CC2D2B: variants seen among roughly 807,000 people sequenced by gnomAD.
CC2D2B encodes coiled-coil and C2 domain containing 2B.
CC2D2B carries 128 observed loss-of-function variants against 161.2 expected under a neutral mutation model. The ratio of observed to expected loss-of-function variants is 0.79; its 90% CI spans 0.69 to 0.92. The LOEUF (loss-of-function observed/expected upper bound fraction) is 0.92, where lower values mean the gene tolerates loss of function less well. Ranked by LOEUF, CC2D2B falls within the 40% of genes least tolerant of loss-of-function variation. The pLI is 0.00. For missense variants in CC2D2B, 1,173 were observed against 1,375.1 expected, an observed-to-expected ratio of 0.85 and a Z score of 2.32; for synonymous variants, 391 against 449.8, an observed-to-expected ratio of 0.87 and a Z score of 1.65.
chr10:95,949,941 G>T lies in CC2D2B; in HGVS notation c.847G>T (p.Gly283Cys). The T allele has an allele frequency of 2.5e-6, 1 of 398,714 alleles. No individual in the cohort carries two copies. Among genetic ancestry groups the T allele is most frequent in the South Asian group, 1.3e-4 (1 of 7,848 alleles). The allele number at this position is 398,714 out of a possible 1,614,324, so 24.7% of individuals were successfully genotyped here. ...LGSSFMNKME[G>C]SREIYQLDLN... Reference sequence around the variant, plus strand: ...AAGTTCATTTATGAACAAAATGGAAGGTTCAAGGGAAATATACCAGTTAGA... The same window carrying T: ...AAGTTCATTTATGAACAAAATGGAATGTTCAAGGGAAATATACCAGTTAGA... Residue 283 changes from glycine to cysteine, a missense_variant, in exon 10 of 35, where the codon GGT becomes TGT. Gly to Cys is a radical substitution (Grantham distance 159). This residue lies in a region of CC2D2B where 298 missense variants were observed against 261.2 expected (regional missense o/e 1.14). Coordinates refer to ENST00000646931, the MANE Select transcript of CC2D2B (RefSeq NM_001349008.3).
chr10:95,993,451 T>C (rs753380328), intron 22 of CC2D2B, among the ~76,000 whole-genome samples: 10 of 152,146 alleles, frequency 6.6e-5, no homozygotes, highest in Non-Finnish European at 1.5e-4. Context: ...CTTGCTTACA[T>C]TTATGCCTAC....
At chr10:96,026,234 A>G (rs1329140574) in intron 33 of CC2D2B, among the ~76,000 whole-genome samples, 1 of 152,116 alleles carries the variant, frequency 6.6e-6, no homozygotes, top group East Asian at 1.9e-4. Flanking sequence ...CCACACAATC[A>G]TCCTGCACAG....
At position 95,980,970 on chromosome 10, in the gene CC2D2B, G is replaced by A. The variant is rs369893617; in HGVS notation, c.1944-1005G>A. 4.8e-4 allele frequency among the ~76,000 whole-genome samples: 73 copies of A among 152,238 alleles called. No individual in the cohort carries two copies. In the South Asian group the frequency reaches 9.1e-3, roughly 19 times the overall value. Reference sequence around the variant, plus strand: ...CTATGAAGAGACAGATTAAATAGCTGGGATAATTGATGGCTCTAAAGAAAT... The same window carrying A: ...CTATGAAGAGACAGATTAAATAGCTAGGATAATTGATGGCTCTAAAGAAAT... On this transcript the variant is annotated intron_variant, in intron 17 of 34. Transcript: ENST00000646931.
chr10:95,979,109 A>T (rs1479765057), intron 17 of CC2D2B, among the ~76,000 whole-genome samples: 1 of 149,866 alleles, frequency 6.7e-6, no homozygotes, highest in Non-Finnish European at 1.5e-5. Context: ...TTTGGTTAGC[A>T]GTGTCATTTT....
intron 25 of CC2D2B, 147 bp from the exon 26 acceptor site, chr10:96,009,678 A>C: frequency 2.2e-6 from 1 of 459,722 alleles, no homozygotes; most frequent in Non-Finnish European, 3.8e-6. Context: ...AAAGAAATTA[A>C]AAAGCAAGAA....
chr10:95,987,180 C>T (rs2077762795), intron 19 of CC2D2B, among the ~76,000 whole-genome samples: 2 of 151,822 alleles, frequency 1.3e-5, no homozygotes, highest in Non-Finnish European at 1.5e-5. Context: ...AAAAATTAGC[C>T]AGGTGTGGCA....
rs60043671 is a variant in CC2D2B, at chr10:95,992,062, C to G, written c.2472-465C>G. Among the ~76,000 whole-genome samples, 1,086 of 152,300 alleles carry G rather than the reference C, an allele frequency of 7.1e-3. 12 individuals are homozygous for G. Among genetic ancestry groups the G allele is most frequent in the African/African-American group, 0.023 (976 of 41,568 alleles). On this transcript the variant is annotated intron_variant, in intron 21 of 34. Coordinates refer to ENST00000646931, the MANE Select transcript of CC2D2B (RefSeq NM_001349008.3). ...GGATGCTGAACTCTATTGTGTTTTA[C>G]TTTTCAGTCCTTGAGGGGAAAATGA...
intron 3 of CC2D2B, among the ~76,000 whole-genome samples, chr10:95,923,436 T>G (rs1323213157): frequency 6.6e-6 from 1 of 152,208 alleles, no homozygotes; most frequent in East Asian, 1.9e-4. Flanking sequence ...TCAGAAGTGT[T>G]ATAATGATTT....
chr10:95,908,058 G>T lies in CC2D2B; in HGVS notation c.-24+1G>T, dbSNP rs2098499086. 2 of 152,352 alleles carry T rather than the reference G, an allele frequency of 1.3e-5. No homozygotes were observed. The highest frequency in any genetic ancestry group is 2.9e-5 in the Non-Finnish European group (2 of 68,116). The allele number at this position is 152,352 out of a possible 1,614,324, so 9.4% of individuals were successfully genotyped here. ...TAAGAAAAGTGCACTGTCCGTCCAGGTGAATGTCGGGCTGCTGGTGAAGGT... is the reference window on the plus strand; with the variant it reads ...TAAGAAAAGTGCACTGTCCGTCCAGTTGAATGTCGGGCTGCTGGTGAAGGT... On this transcript the variant is annotated splice_donor_variant, in intron 1 of 34. Transcript: ENST00000646931. LOFTEE classifies it low-confidence loss of function (5UTR_SPLICE).
At chr10:96,000,459 G>A (rs989894829) in intron 24 of CC2D2B, among the ~76,000 whole-genome samples, 1 of 152,088 alleles carries the variant, frequency 6.6e-6, no homozygotes, top group Non-Finnish European at 1.5e-5. Context: ...TGCCTCCCAG[G>A]TTCGAACCAT....
chr10:96,029,292 A>ATATGTATATCTATATATATG (rs1363982402), intron 34 of CC2D2B, among the ~76,000 whole-genome samples: 1 of 103,546 alleles, frequency 9.7e-6, no homozygotes, highest in Non-Finnish European at 1.9e-5. Context: ...ATATGTATAT[A>ATATGTATATCTATATATATG]TATATATATA....
At chr10:95,928,623 G>A (rs2098543965) in intron 6 of CC2D2B, among the ~76,000 whole-genome samples, 3 of 152,052 alleles carry the variant, frequency 2.0e-5, no homozygotes, top group Admixed American at 2.0e-4. Flanking sequence ...TGTTCTCATT[G>A]TTCAACTCCT....
In CC2D2B at chr10:95,965,901, A is replaced by G. The variant is rs192783545; in HGVS notation, c.1256A>G (p.Lys419Arg). The G allele has an allele frequency of 2.4e-4, 279 of 1,155,742 alleles. 1 individual carries two copies. In the African/African-American group the frequency reaches 3.4e-3, roughly 14 times the overall value. 71.6% of individuals were successfully genotyped at this position (1,155,742 alleles called of 1,614,324 possible). ...TPIKLQVQRI[K>R]MNKCDEQEQI... ...TTCTGTTTATTATTAATTAGGATTA[A>G]AATGAATAAATGTGATGAACAAGAG... Residue 419 changes from lysine to arginine, a missense_variant, in exon 13 of 35, where the codon AAA becomes AGA. Physicochemically the swap from Lys to Arg is conservative, Grantham distance 26 (BLOSUM62 2). Coordinates refer to ENST00000646931, the MANE Select transcript of CC2D2B (RefSeq NM_001349008.3).
At chr10:95,996,742 T>C (rs967843763) in intron 24 of CC2D2B, among the ~76,000 whole-genome samples, 2 of 152,246 alleles carry the variant, frequency 1.3e-5, no homozygotes, top group Admixed American at 1.3e-4. Flanking sequence ...TTTCTTTAAT[T>C]ATTTTGAAAG....
intron 9 of CC2D2B, among the ~76,000 whole-genome samples, chr10:95,948,034 T>C (rs1259685582): frequency 1.3e-5 from 2 of 152,206 alleles, no homozygotes; most frequent in African/African-American, 4.8e-5. Context: ...AGTGTTTCTA[T>C]AGGAAATTAT....
At chr10:96,003,436 G>C (rs201584146) in intron 24 of CC2D2B, among the ~76,000 whole-genome samples, 4 of 44,438 alleles carry the variant, frequency 9.0e-5, no homozygotes, top group Admixed American at 2.4e-4. Flanking sequence ...TATTTATTTA[G>C]AGATGGAGTT....
At chr10:95,983,492 T>TC in intron 18 of CC2D2B, 114 bp from the exon 19 acceptor site, 4 of 426,848 alleles carry the variant, frequency 9.4e-6, no homozygotes, top group Non-Finnish European at 1.6e-5. Flanking sequence ...ATTCAGTTGT[T>TC]CCATTTCCTA....
rs191439833 is a variant in CC2D2B at position 95,954,345 on chromosome 10, C to T, written c.1012-1049C>T. Among the ~76,000 whole-genome samples, 241 of 152,144 alleles carry T rather than the reference C, an allele frequency of 1.6e-3. 6 individuals carry two copies. In the East Asian group the frequency reaches 0.042, roughly 26 times the overall value. On this transcript the variant is annotated intron_variant, in intron 10 of 34. Transcript: ENST00000646931. ...TCCACTCTTTCTCCCAAAAGAGCAG[C>T]CTAATATCCAAATACCATCATTTAT... is the stretch of plus-strand genomic sequence containing the variant.
chr10:95,956,634 A>G (rs2076576331), intron 11 of CC2D2B, among the ~76,000 whole-genome samples: 1 of 152,148 alleles, frequency 6.6e-6, no homozygotes, highest in South Asian at 2.1e-4. Context: ...CTAGCAGAGA[A>G]CCTGTCTGAT....
Sources: gnomAD v4.1 joint callset for allele counts (sites outside exome capture counted in the v4.1 genomes callset) on GRCh38, gnomAD v4.1.1 for gene constraint, gnomAD v4.1.1 regional missense constraint, MANE v1.5 for transcripts, NCBI Gene and HGNC (gene_info 2026-07-23, HGNC 2026-07-21) for gene names.